The following MFN1 variants were observed in gnomAD, a reference collection of about 807,000 sequenced individuals.
MFN1 encodes the protein mitofusin-1.
MFN1 carries 65 observed loss-of-function variants against 92.4 expected under a neutral mutation model. The ratio of observed to expected loss-of-function variants is 0.70; its 90% CI spans 0.58 to 0.86. MFN1 has a LOEUF of 0.86. Among genes scored for constraint, MFN1 ranks in the 40% least tolerant of loss-of-function variants. The pLI is 0.00. For missense variants in MFN1, 781 were observed against 868.0 expected (o/e 0.90, Z 1.26); for synonymous variants, 297 against 300.9 (o/e 0.99, Z 0.13).
chr3:179,387,113 G>C (rs1163606014), intron 16 of MFN1, among the ~76,000 whole-genome samples: 1 of 151,652 alleles, frequency 6.6e-6, no homozygotes, highest in Non-Finnish European at 1.5e-5. Context: ...CTTTGAGACA[G>C]GGACTCAATA....
chr3:179,377,540 G>A, intron 12 of MFN1, 92 bp downstream of exon 12: 1 of 735,164 alleles, frequency 1.4e-6, no homozygotes. Context: ...CAGTGTATCA[G>A]TACAAAATGA....
rs186840962 is a variant in MFN1 at position 179,389,988 on chromosome 3, A to C, written c.2013-16A>C. 35 of 1,589,872 alleles carry C rather than the reference A, an allele frequency of 2.2e-5. No individual in the cohort carries two copies. The highest frequency in any genetic ancestry group is 2.3e-4 in the Middle Eastern group (1 of 4,400). On this transcript the variant is annotated splice_polypyrimidine_tract_variant and intron_variant, in intron 16 of 17. Transcript: ENST00000471841. ...TTTGAAGACATTTATGACTGCTTCT[A>C]AATTTTTATTTTAAGACAAATAGCT...
At chr3:179,376,217 C>T (rs963909281) in intron 10 of MFN1, among the ~76,000 whole-genome samples, 1 of 152,164 alleles carries the variant, frequency 6.6e-6, no homozygotes, top group Non-Finnish European at 1.5e-5. Context: ...ATATAAAACG[C>T]AAGGATCAGA....
rs376997527 is a variant in MFN1 at position 179,375,268 on chromosome 3, A to G, written c.1024A>G (p.Ile342Val). Residue 342 changes from isoleucine to valine, a missense_variant, in exon 10 of 18, where the codon ATC becomes GTC. Ile to Val is a conservative substitution (Grantham distance 29). Coordinates refer to ENST00000471841, the MANE Select transcript of MFN1 (RefSeq NM_033540.3). Reference protein sequence around the residue: ...AVKTKFEQHTIRAKQILATVK... With the variant: ...AVKTKFEQHTVRAKQILATVK... Reference sequence around the variant, plus strand: ...GAAAACAAAGTTCGAACAGCACACTATCAGAGCTAAACAGATACTAGCTAC... The same window carrying G: ...GAAAACAAAGTTCGAACAGCACACTGTCAGAGCTAAACAGATACTAGCTAC... The G allele has an allele frequency of 2.5e-6, 4 of 1,613,952 alleles. No homozygotes were observed. Among genetic ancestry groups the G allele is most frequent in the African/African-American group, 1.3e-5 (1 of 74,940 alleles).
Position 179,392,651 on chromosome 3 carries a change from T to C in MFN1, c.*592T>C, listed in dbSNP as rs1196577245. The C allele has an allele frequency of 3.3e-5, 5 of 152,236 alleles. No individual in the cohort carries two copies. Among genetic ancestry groups the C allele is most frequent in the South Asian group, 2.1e-4 (1 of 4,834 alleles). The allele number at this position is 152,236 out of a possible 1,614,324, so 9.4% of individuals were successfully genotyped here. A position where few individuals can be genotyped will look rare whatever the true frequency, so the allele number is the denominator to read the frequency against. ...GATAAAGGCTTGTTATAGTCACTTA[T>C]AAGTATCTGGGTCTAAGTAATTTCC... On this transcript the variant is annotated 3_prime_UTR_variant, in exon 18 of 18. Coordinates refer to ENST00000471841, the MANE Select transcript of MFN1 (RefSeq NM_033540.3).
chr3:179,348,836 T>C lies in MFN1; in HGVS notation c.-7-9T>C. 6.2e-7 allele frequency: 1 copy of C among 1,605,698 alleles called. No homozygotes were observed. On this transcript the variant is annotated splice_polypyrimidine_tract_variant and intron_variant, in intron 1 of 17. Transcript: ENST00000471841. ...TAGTTGGTGCTTTTCTAACTTTATC[T>C]CCCTCTAGTAGCATAATGGCAGAAC...
chr3:179,381,856 A>T (rs1382153947), intron 14 of MFN1, among the ~76,000 whole-genome samples: 1 of 152,204 alleles, frequency 6.6e-6, no homozygotes, highest in Non-Finnish European at 1.5e-5. Context: ...AAATATTCAA[A>T]AATCCTAAAA....
intron 3 of MFN1, among the ~76,000 whole-genome samples, chr3:179,355,086 C>T (rs1039485171): frequency 3.3e-5 from 5 of 152,104 alleles, no homozygotes; most frequent in Admixed American, 1.3e-4. Context: ...TGTGAGCCCC[C>T]GTGCCCAGCT....
chr3:179,379,987 A>G (rs1436044781), intron 14 of MFN1, among the ~76,000 whole-genome samples: 1 of 152,234 alleles, frequency 6.6e-6, no homozygotes, highest in Non-Finnish European at 1.5e-5. Flanking sequence ...TGGATCCATC[A>G]GCATTGCAGT....
intron 12 of MFN1, 44 bp downstream of exon 12, chr3:179,377,492 T>C (rs1713288119): frequency 8.4e-7 from 1 of 1,184,604 alleles, no homozygotes; most frequent in African/African-American, 1.6e-5. Context: ...CAGTTTCTTA[T>C]TATTCTATAC....
intron 16 of MFN1, among the ~76,000 whole-genome samples, chr3:179,388,208 A>G (rs1202546341): frequency 6.6e-6 from 1 of 152,188 alleles, no homozygotes; most frequent in Non-Finnish European, 1.5e-5. Flanking sequence ...TGGTTTCTTA[A>G]TAAAGAAAAC....
At chr3:179,359,134 T>A (rs1389210540) in intron 4 of MFN1, 132 bp downstream of exon 4, 1 of 1,149,086 alleles carries the variant, frequency 8.7e-7, no homozygotes, top group East Asian at 2.9e-5. Context: ...TTTCTTTTTT[T>A]TTTTAGACGG....
chr3:179,364,085 A>G lies in MFN1; in HGVS notation c.537-212A>G, dbSNP rs2108533931. ...ATTAGCCTAGTTTTATATTTCAGCC[A>G]TCTAAAGCATAAACATTAAAAAGAT... is the stretch of plus-strand genomic sequence containing the variant. On this transcript the variant is annotated intron_variant, in intron 5 of 17. Transcript: ENST00000471841. Among the ~76,000 whole-genome samples, 2 of 152,262 alleles carry G rather than the reference A, an allele frequency of 1.3e-5. 1 individual carries two copies. Among genetic ancestry groups the G allele is most frequent in the Middle Eastern group, 6.8e-3 (2 of 294 alleles).
rs1712172130 is a variant in MFN1, at chr3:179,352,082, T to C, written c.248+47T>C. The C allele has an allele frequency of 2.0e-6, 3 of 1,533,782 alleles. No homozygotes were observed. In the South Asian group the frequency reaches 3.8e-5, roughly 19 times the overall value. On this transcript the variant is annotated intron_variant, in intron 3 of 17. Transcript: ENST00000471841. ...TAAGATTAGTTTCCAGGAATCAGCTTTGTGTCTGATGTTTCAACAAGTAAT... is the reference window on the plus strand; with the variant it reads ...TAAGATTAGTTTCCAGGAATCAGCTCTGTGTCTGATGTTTCAACAAGTAAT...
At chr3:179,384,456 G>T (rs1008070116) in intron 14 of MFN1, among the ~76,000 whole-genome samples, 1 of 151,890 alleles carries the variant, frequency 6.6e-6, no homozygotes, top group Non-Finnish European at 1.5e-5. Context: ...CTTCTTTTGT[G>T]AAATGTCTAT....
chr3:179,374,084 C>G (rs1485935608), intron 9 of MFN1, among the ~76,000 whole-genome samples: 2 of 151,486 alleles, frequency 1.3e-5, no homozygotes, highest in Non-Finnish European at 2.9e-5. Flanking sequence ...AGGCAGATGA[C>G]TTGAGGTCAG....
At chr3:179,384,853 CCTGTGGCTGTGTGT>C (rs1387747923) in intron 14 of MFN1, among the ~76,000 whole-genome samples, 1 of 151,438 alleles carries the variant, frequency 6.6e-6, no homozygotes. Context: ...ATTTCTCTTG[CCTGTGGCTGTGTGT>C]TTTGAAGTTT....
At chr3:179,378,094 C>T (rs771235330) in intron 12 of MFN1, 9 of 429,854 alleles carry the variant, frequency 2.1e-5, no homozygotes, top group African/African-American at 4.1e-5. Flanking sequence ...CATGGCGACA[C>T]GCTTCTATAG....
intron 8 of MFN1, 92 bp from the exon 9 acceptor site, chr3:179,367,934 GTATATATATA>G (rs143669422): frequency 2.2e-5 from 9 of 410,682 alleles, no homozygotes; most frequent in Non-Finnish European, 2.8e-5. Context: ...GGGGGAAAAA[GTATATATATA>G]TATATATATT....
Sources: allele counts gnomAD v4.1 joint callset (sites outside exome capture counted in the v4.1 genomes callset), GRCh38; gene constraint gnomAD v4.1.1; transcripts MANE v1.5; gene names NCBI Gene and HGNC (gene_info 2026-07-23, HGNC 2026-07-21).